CCDC88C: variants seen among roughly 807,000 people sequenced by gnomAD.
The protein encoded by CCDC88C is coiled-coil and HOOK domain protein 88C.
A neutral mutation model predicts 198.8 loss-of-function variants in CCDC88C; 131 were observed. That is an observed-to-expected ratio of 0.66 (90% CI 0.57 to 0.76). The LOEUF is 0.76. Among genes scored for constraint, CCDC88C ranks in the 30% least tolerant of loss-of-function variants. The pLI is 0.00. For synonymous variants in CCDC88C, 1,166 were observed against 1,114.7 expected (o/e 1.05, Z -0.92); for missense variants, 2,553 against 2,631.6 (o/e 0.97, Z 0.65).
chr14:91,387,115 G>A (rs1387748405), intron 3 of CCDC88C, among the ~76,000 whole-genome samples: 6 of 152,186 alleles, frequency 3.9e-5, no homozygotes, highest in Admixed American at 6.5e-5. Flanking sequence ...AGCTTTTGGC[G>A]CAACTGTCCA....
chr14:91,324,265 G>C (rs932018896), intron 12 of CCDC88C, among the ~76,000 whole-genome samples: 3 of 152,252 alleles, frequency 2.0e-5, no homozygotes, highest in African/African-American at 7.2e-5. Flanking sequence ...AAAGGGAGAG[G>C]CCTGGCAGAG....
chr14:91,391,956 G>A (rs573141092), intron 3 of CCDC88C, among the ~76,000 whole-genome samples: 1 of 152,142 alleles, frequency 6.6e-6, no homozygotes, highest in African/African-American at 2.4e-5. Flanking sequence ...GCCCAGGCTG[G>A]AGTGCAGTGA....
Position 91,316,006 on chromosome 14 carries a change from C to G in CCDC88C, c.1528-219G>C. 7.6e-6 allele frequency: 4 copies of G among 528,138 alleles called. No individual in the cohort carries two copies. In the South Asian group the frequency reaches 9.5e-5, roughly 13 times the overall value. 32.7% of individuals were successfully genotyped at this position (528,138 alleles called of 1,614,324 possible). A position where few individuals can be genotyped will look rare whatever the true frequency, so the allele number is the denominator to read the frequency against. ...AAACCATCACCATCCCCCCAGCGTC[C>G]CTCTGCCCCATCCTTGCTGCCATGT... is the stretch of plus-strand genomic sequence containing the variant. On this transcript the variant is annotated intron_variant, in intron 13 of 29. Transcript: ENST00000389857.
intron 4 of CCDC88C, among the ~76,000 whole-genome samples, chr14:91,344,322 C>T (rs1208101158): frequency 6.6e-6 from 1 of 152,120 alleles, no homozygotes; most frequent in African/African-American, 2.4e-5. Flanking sequence ...AGGCTGTATA[C>T]AACCTTCCCC....
chr14:91,295,227 T>G (rs1890950179), intron 22 of CCDC88C, among the ~76,000 whole-genome samples: 1 of 152,216 alleles, frequency 6.6e-6, no homozygotes, highest in Non-Finnish European at 1.5e-5. Flanking sequence ...TTAATATAAT[T>G]ATACATAATT....
intron 22 of CCDC88C, among the ~76,000 whole-genome samples, chr14:91,296,618 C>T (rs745735528): frequency 1.4e-4 from 21 of 152,202 alleles, no homozygotes; most frequent in Non-Finnish European, 2.1e-4. Context: ...TGGCACCCTG[C>T]GCCTCGGTTT....
chr14:91,327,487 G>A (rs1398185472), intron 10 of CCDC88C, among the ~76,000 whole-genome samples: 3 of 152,236 alleles, frequency 2.0e-5, no homozygotes, highest in African/African-American at 7.2e-5. Flanking sequence ...CCCTCAGAGG[G>A]AGGCAGGGAC....
intron 23 of CCDC88C, among the ~76,000 whole-genome samples, chr14:91,292,705 C>T (rs900660836): frequency 1.8e-4 from 27 of 152,190 alleles, no homozygotes; most frequent in African/African-American, 4.6e-4. Context: ...CCTGCCCGGA[C>T]GCCAATACCA....
intron 3 of CCDC88C, among the ~76,000 whole-genome samples, chr14:91,387,545 G>A (rs1255746603): frequency 3.9e-5 from 6 of 152,192 alleles, no homozygotes; most frequent in African/African-American, 1.4e-4. Context: ...AAAGCCAGAT[G>A]GAAACTGACA....
chr14:91,354,064 T>C (rs1893931371), intron 4 of CCDC88C, among the ~76,000 whole-genome samples: 3 of 152,338 alleles, frequency 2.0e-5, no homozygotes, highest in Admixed American at 6.5e-5. Context: ...GCTGTGTGCC[T>C]CTGAATGAGC....
At chr14:91,278,326 G>T in intron 28 of CCDC88C, 115 bp from the exon 29 acceptor site, 2 of 1,047,162 alleles carry the variant, frequency 1.9e-6, no homozygotes, top group Non-Finnish European at 2.6e-6. Flanking sequence ...AAAATCCCTT[G>T]CCCGAAAACC....
At position 91,417,759 on chromosome 14, in the gene CCDC88C, A is replaced by AACGGCGCCGCGGCACAAC; in HGVS notation, c.-70_-69insGTTGTGCCGCGGCGCCGT. 4.9e-6 allele frequency: 6 copies of AACGGCGCCGCGGCACAAC among 1,220,392 alleles called. No individual in the cohort carries two copies. Among genetic ancestry groups the AACGGCGCCGCGGCACAAC allele is most frequent in the Non-Finnish European group, 6.5e-6 (6 of 924,992 alleles). 75.6% of individuals were successfully genotyped at this position (1,220,392 alleles called of 1,614,324 possible). Reference sequence around the variant, plus strand: ...CCCGTTCCCCCGCGCCGCGGCACAAAACGGCTCCGCAGCGAGCAGCGGGCG... The same window carrying AACGGCGCCGCGGCACAAC: ...CCCGTTCCCCCGCGCCGCGGCACAAAACGGCGCCGCGGCACAACACGGCTCCGCAGCGAGCAGCGGGCG... On this transcript the variant is annotated 5_prime_UTR_variant, in exon 1 of 30. Coordinates refer to ENST00000389857, the MANE Select transcript of CCDC88C (RefSeq NM_001080414.4).
chr14:91,330,559 C>T (rs1285539995), intron 10 of CCDC88C, among the ~76,000 whole-genome samples: 2 of 152,152 alleles, frequency 1.3e-5, no homozygotes, highest in East Asian at 1.9e-4. Context: ...CACCCGCCTC[C>T]GGACAAGGAC....
chr14:91,367,598 G>C (rs1404603758), intron 3 of CCDC88C, among the ~76,000 whole-genome samples: 2 of 152,144 alleles, frequency 1.3e-5, no homozygotes, highest in African/African-American at 4.8e-5. Flanking sequence ...CTGTCTGGGA[G>C]GGAGGTAGAC....
chr14:91,289,243 A>G lies in CCDC88C; in HGVS notation c.4303T>C (p.Trp1435Arg), dbSNP rs1890557589. 2 of 1,613,938 alleles carry G rather than the reference A, an allele frequency of 1.2e-6. No individual in the cohort carries two copies. The highest frequency in any genetic ancestry group is 2.2e-5 in the South Asian group (2 of 91,090). Reference protein sequence around the residue: ...RLKSTVDSPPWQLESSDPASP... With the variant: ...RLKSTVDSPPRQLESSDPASP... ...GCGGGGTCTGAGGACTCCAGCTGCC[A>G]GGGAGGGCTGTCCACGGTGGATTTT... is the stretch of plus-strand genomic sequence containing the variant. Residue 1435 changes from tryptophan (W) to arginine (R), a missense_variant, in exon 25 of 30, where the codon TGG becomes CGG. Transcript: ENST00000389857.
At chr14:91,292,166 C>T (rs1328240974) in intron 23 of CCDC88C, among the ~76,000 whole-genome samples, 1 of 152,222 alleles carries the variant, frequency 6.6e-6, no homozygotes, top group Non-Finnish European at 1.5e-5. Context: ...CCCAGCCACG[C>T]TCCGCTCCCA....
chr14:91,384,514 G>A, intron 3 of CCDC88C: 1 of 520,124 alleles, frequency 1.9e-6, no homozygotes, highest in Non-Finnish European at 3.9e-6. Flanking sequence ...TTCCTCATCT[G>A]CTTCTTCACC....
At chr14:91,377,139 A>C (rs1884480809) in intron 3 of CCDC88C, among the ~76,000 whole-genome samples, 1 of 152,172 alleles carries the variant, frequency 6.6e-6, no homozygotes, top group African/African-American at 2.4e-5. Context: ...CCCACCTCAG[A>C]CTGCCTGCCC....
chr14:91,285,627 T>TGAAG (rs1309821840), intron 25 of CCDC88C: 1 of 1,247,322 alleles, frequency 8.0e-7, no homozygotes, highest in South Asian at 1.3e-5. Flanking sequence ...ATTTCGGAAA[T>TGAAG]GAAGGAGGGT....
Sources: allele counts gnomAD v4.1 joint callset (sites outside exome capture counted in the v4.1 genomes callset), GRCh38; gene constraint gnomAD v4.1.1; transcripts MANE v1.5; gene names NCBI Gene and HGNC (gene_info 2026-07-23, HGNC 2026-07-21).